The following PCDHA7 variants were observed in gnomAD, a reference collection of about 807,000 sequenced individuals.
PCDHA7 encodes the protein protocadherin alpha 7.
Under a neutral mutation model 57.2 loss-of-function variants are expected in PCDHA7, and 37 were observed. The ratio of observed to expected loss-of-function variants is 0.65; its 90% CI spans 0.50 to 0.85. The LOEUF (loss-of-function observed/expected upper bound fraction) is 0.85, where lower values mean the gene tolerates loss of function less well. Among genes scored for constraint, PCDHA7 ranks in the 40% least tolerant of loss-of-function variants. The pLI, the probability that PCDHA7 is intolerant of heterozygous loss-of-function variation, is 0.00. For missense variants in PCDHA7, 1,188 were observed against 1,241.8 expected, an observed-to-expected ratio of 0.96 and a Z score of 0.65; for synonymous variants, 553 against 558.8, an observed-to-expected ratio of 0.99 and a Z score of 0.15.
intron 1 of PCDHA7, among the ~76,000 whole-genome samples, chr5:140,938,918 A>T (rs2092265154): frequency 6.6e-6 from 1 of 152,006 alleles, no homozygotes; most frequent in Non-Finnish European, 1.5e-5. Flanking sequence ...CACGCACAAG[A>T]AATTGGCTTT....
chr5:141,003,715 G>A (rs561348265), intron 3 of PCDHA7, among the ~76,000 whole-genome samples: 21 of 152,240 alleles, frequency 1.4e-4, no homozygotes, highest in African/African-American at 2.2e-4. Flanking sequence ...TGAAGATATC[G>A]GCTAATCCAA....
At chr5:140,916,603 G>A (rs782815026) in intron 1 of PCDHA7, among the ~76,000 whole-genome samples, 4 of 152,152 alleles carry the variant, frequency 2.6e-5, no homozygotes, top group South Asian at 2.1e-4. Flanking sequence ...CCTGGAATGC[G>A]GGCCTCATGA....
intron 1 of PCDHA7, among the ~76,000 whole-genome samples, chr5:140,964,472 T>C (rs1160731930): frequency 6.6e-6 from 1 of 152,074 alleles, no homozygotes; most frequent in Non-Finnish European, 1.5e-5. Context: ...GTGCCTATGA[T>C]TTTTTCACAG....
rs1249098151 is a variant in PCDHA7 at position 140,836,694 on chromosome 5, G to A, written c.2311G>A (p.Ala771Thr). Residue 771 changes from alanine (A) to threonine (T), a missense_variant, in exon 1 of 4, where the codon GCC becomes ACC. Physicochemically the swap from Ala to Thr is moderately conservative, Grantham distance 58 (BLOSUM62 0). Transcript: ENST00000525929. ...GEGPPKTDLM[A>T]FSPSLPQGPS... ...GGGCCCACCCAAGACAGACCTCATG[G>A]CCTTCAGTCCCAGCCTTCCTCAGGG... 5.6e-6 allele frequency: 9 copies of A among 1,613,292 alleles called. No individual in the cohort carries two copies. The highest frequency in any genetic ancestry group is 7.6e-6 in the Non-Finnish European group (9 of 1,179,588).
chr5:140,902,953 C>G (rs549407032), intron 1 of PCDHA7, among the ~76,000 whole-genome samples: 1 of 152,162 alleles, frequency 6.6e-6, no homozygotes, highest in East Asian at 1.9e-4. Context: ...TCTTTATCCA[C>G]TTGTTGGCTG....
intron 1 of PCDHA7, among the ~76,000 whole-genome samples, chr5:140,971,500 T>C (rs2096483313): frequency 1.3e-5 from 2 of 152,136 alleles, no homozygotes; most frequent in Admixed American, 1.3e-4. Context: ...TGTGGCAAGA[T>C]AGGAGCAAAA....
intron 1 of PCDHA7, chr5:140,884,140 G>C: frequency 6.2e-7 from 1 of 1,613,412 alleles, no homozygotes; most frequent in Non-Finnish European, 8.5e-7. Context: ...CGTTCCGCGT[G>C]GGGCTGTACA....
chr5:140,863,234 G>A (rs782122852), intron 1 of PCDHA7: 1 of 1,250,682 alleles, frequency 8.0e-7, no homozygotes. Flanking sequence ...GTCCCATCGC[G>A]GGCTTTGGCG....
chr5:140,869,614 A>T lies in PCDHA7; in HGVS notation c.2355+32876A>T, dbSNP rs1554163296. ...TGAAGAGAATGCTCTATTGACCTACAGGCTAAGTAAAAATGAGTATTTTTC... is the reference window on the plus strand; with the variant it reads ...TGAAGAGAATGCTCTATTGACCTACTGGCTAAGTAAAAATGAGTATTTTTC... On this transcript the variant is annotated intron_variant, in intron 1 of 3. Transcript: ENST00000525929. 2 of 1,613,940 alleles carry T rather than the reference A, an allele frequency of 1.2e-6. No homozygotes were observed. The highest frequency in any genetic ancestry group is 4.5e-5 in the East Asian group (2 of 44,886).
chr5:140,838,063 A>C (rs1775401447), intron 1 of PCDHA7, among the ~76,000 whole-genome samples: 1 of 128,138 alleles, frequency 7.8e-6, no homozygotes. Flanking sequence ...TTCCACTTTA[A>C]GTTATATATA....
Position 140,834,478 on chromosome 5 carries a change from A to G in PCDHA7, c.95A>G (p.His32Arg), listed in dbSNP as rs1554134254. 1 of 1,614,162 alleles carries G rather than the reference A, an allele frequency of 6.2e-7. No individual in the cohort carries two copies. The highest frequency in any genetic ancestry group is 2.2e-5 in the East Asian group (1 of 44,876). The change falls in exon 1 of 4, where the codon CAC becomes CGC. Residue 32 changes from histidine to arginine, a missense_variant. Physicochemically the swap from His to Arg is conservative, Grantham distance 29 (BLOSUM62 0). This residue lies in a region of PCDHA7 where 194 missense variants were observed against 185.8 expected (regional missense o/e 1.04). Transcript: ENST00000525929. ...TGGGAGGCAGGGAGAGGCCAGCTCCACTACTCGGTCCCCGAGGAGGCTAAA... is the reference window on the plus strand; with the variant it reads ...TGGGAGGCAGGGAGAGGCCAGCTCCGCTACTCGGTCCCCGAGGAGGCTAAA... ...AAWEAGRGQL[H>R]YSVPEEAKHG...
intron 1 of PCDHA7, chr5:140,875,795 T>C (rs782073142): frequency 1.2e-6 from 2 of 1,613,786 alleles, no homozygotes. Context: ...CACCTGGAGG[T>C]GATCGTGGAC....
At chr5:140,966,792 C>T (rs1182470326) in intron 1 of PCDHA7, 4 of 1,530,564 alleles carry the variant, frequency 2.6e-6, no homozygotes, top group Non-Finnish European at 2.6e-6. Context: ...ACCAGACCTG[C>T]GGCGACAGAG....
intron 1 of PCDHA7, chr5:140,859,639 T>G (rs1419564799): frequency 6.3e-6 from 1 of 159,542 alleles, no homozygotes; most frequent in Non-Finnish European, 1.4e-5. Flanking sequence ...GAGATTGAAT[T>G]TGTTACTCAG....
chr5:140,943,640 A>G (rs1288085106), intron 1 of PCDHA7, among the ~76,000 whole-genome samples: 1 of 152,224 alleles, frequency 6.6e-6, no homozygotes, highest in African/African-American at 2.4e-5. Context: ...TGGATTATGG[A>G]TAAAACCATC....
intron 1 of PCDHA7, among the ~76,000 whole-genome samples, chr5:140,925,210 C>G (rs1319343041): frequency 1.3e-5 from 2 of 152,122 alleles, no homozygotes; most frequent in Admixed American, 6.5e-5. Context: ...ATTATCGATA[C>G]TTTTAGGCAG....
At chr5:141,000,361 GTCTCTCTCTCTCTCTCTC>G (rs148596731) in intron 3 of PCDHA7, among the ~76,000 whole-genome samples, 25 of 26,446 alleles carry the variant, frequency 9.5e-4, no homozygotes, top group African/African-American at 4.9e-3. Context: ...GTCTCTCTCT[GTCTCTCTCTCTCTCTCTC>G]TCTCTCTCTC....
chr5:140,946,875 G>T (rs1283632599), intron 1 of PCDHA7, among the ~76,000 whole-genome samples: 1 of 151,288 alleles, frequency 6.6e-6, no homozygotes, highest in Non-Finnish European at 1.5e-5. Flanking sequence ...TGGTCAATGG[G>T]TACGAAGTTA....
intron 1 of PCDHA7, chr5:140,856,967 A>G (rs782128989): frequency 1.3e-6 from 2 of 1,593,606 alleles, no homozygotes; most frequent in Non-Finnish European, 1.7e-6. Context: ...AAATGATGCT[A>G]TTGACTTTGA....
Sources: allele counts gnomAD v4.1 joint callset (sites outside exome capture counted in the v4.1 genomes callset), GRCh38; gene constraint gnomAD v4.1.1; regional missense constraint gnomAD v4.1.1; transcripts MANE v1.5; gene names NCBI Gene and HGNC (gene_info 2026-07-23, HGNC 2026-07-21).